The following IL1RAPL1 variants were observed in gnomAD, a reference collection of about 807,000 sequenced individuals.
IL1RAPL1 encodes the protein interleukin-1 receptor accessory protein-like 1.
IL1RAPL1 carries 3 observed loss-of-function variants against 48.4 expected under a neutral mutation model. The ratio of observed to expected loss-of-function variants is 0.06; its 90% CI spans 0.03 to 0.16. The LOEUF is 0.16. Ranked by LOEUF, IL1RAPL1 falls within the 10% of genes least tolerant of loss-of-function variation. The pLI is 1.00. For synonymous variants in IL1RAPL1, 185 were observed against 187.7 expected, an observed-to-expected ratio of 0.99 and a Z score of 0.12; for missense variants, 349 against 530.6, an observed-to-expected ratio of 0.66 and a Z score of 3.36.
chrX:28,721,353 A>G (rs1200868876), intron 1 of IL1RAPL1, among the ~76,000 whole-genome samples: 1 of 112,004 alleles, frequency 8.9e-6, no homozygotes, highest in Non-Finnish European at 1.9e-5. Context: ...AGTGACGATG[A>G]GTATTTTTTC....
At chrX:29,712,188 C>G (rs541799505) in intron 6 of IL1RAPL1, among the ~76,000 whole-genome samples, 1 of 108,132 alleles carries the variant, frequency 9.2e-6, no homozygotes, top group African/African-American at 3.4e-5. Flanking sequence ...CATGTATTAT[C>G]CAAAACTTGC....
chrX:29,948,318 G>A (rs1788204619), intron 9 of IL1RAPL1, among the ~76,000 whole-genome samples: 1 of 111,228 alleles, frequency 9.0e-6, no homozygotes, highest in Non-Finnish European at 1.9e-5. Flanking sequence ...CACAACATGT[G>A]AATTAGAACA....
At chrX:29,814,057 T>A (rs905110985) in intron 6 of IL1RAPL1, among the ~76,000 whole-genome samples, 2 of 111,898 alleles carry the variant, frequency 1.8e-5, no homozygotes, top group African/African-American at 6.5e-5. Context: ...AACATACAAG[T>A]GCAGGAGTCT....
intron 2 of IL1RAPL1, among the ~76,000 whole-genome samples, chrX:28,879,878 T>C (rs942700581): frequency 8.9e-6 from 1 of 111,901 alleles, no homozygotes; most frequent in Non-Finnish European, 1.9e-5. Flanking sequence ...AGAGATTGAA[T>C]GAGAGACAGG....
intron 8 of IL1RAPL1, among the ~76,000 whole-genome samples, chrX:29,923,836 C>A (rs183139535): frequency 3.7e-4 from 41 of 111,863 alleles, no homozygotes; most frequent in African/African-American, 1.3e-3. Flanking sequence ...TGTGCTCTGA[C>A]CTCAGGCCTA....
intron 6 of IL1RAPL1, among the ~76,000 whole-genome samples, chrX:29,911,020 TA>T (rs1932752665): frequency 9.0e-6 from 1 of 111,547 alleles, no homozygotes; most frequent in Non-Finnish European, 1.9e-5. Context: ...CACTCCTAGG[TA>T]TGTACCCAAG....
At chrX:28,952,900 CA>C (rs1924509104) in intron 2 of IL1RAPL1, among the ~76,000 whole-genome samples, 2 of 111,274 alleles carry the variant, frequency 1.8e-5, no homozygotes, top group African/African-American at 6.5e-5. Flanking sequence ...CAGGATAAAA[CA>C]AGGGTCATGA....
intron 6 of IL1RAPL1, among the ~76,000 whole-genome samples, chrX:29,900,122 GT>G (rs1932468606): frequency 9.0e-6 from 1 of 111,510 alleles, no homozygotes; most frequent in Admixed American, 9.6e-5. Context: ...AAAACAAGCA[GT>G]TAACACTGAG....
At chrX:28,889,042 T>A (rs754617585) in intron 2 of IL1RAPL1, among the ~76,000 whole-genome samples, 86 of 111,438 alleles carry the variant, frequency 7.7e-4, no homozygotes, top group African/African-American at 2.6e-3. Flanking sequence ...AAAAGTAAGT[T>A]ATTTCTGTTA....
chrX:29,348,119 A>G (rs950976247), intron 3 of IL1RAPL1, among the ~76,000 whole-genome samples: 5 of 112,698 alleles, frequency 4.4e-5, no homozygotes, highest in Non-Finnish European at 5.6e-5. Context: ...GGGGACTACT[A>G]TACTTATAAT....
chrX:29,538,844 T>A (rs1397963393), intron 5 of IL1RAPL1, among the ~76,000 whole-genome samples: 1 of 111,400 alleles, frequency 9.0e-6, no homozygotes, highest in Non-Finnish European at 1.9e-5. Flanking sequence ...TTTGGCAAGA[T>A]ATAGGTCACT....
chrX:28,941,811 A>C (rs1924169292), intron 2 of IL1RAPL1, among the ~76,000 whole-genome samples: 1 of 110,346 alleles, frequency 9.1e-6, no homozygotes, highest in Non-Finnish European at 1.9e-5. Flanking sequence ...ACTTGTTTTA[A>C]GGGGAATACC....
At chrX:29,857,025 T>G (rs1439601507) in intron 6 of IL1RAPL1, among the ~76,000 whole-genome samples, 3 of 111,440 alleles carry the variant, frequency 2.7e-5, no homozygotes, top group African/African-American at 9.8e-5. Context: ...TGGCATAGTT[T>G]CATAGAAACA....
intron 1 of IL1RAPL1, among the ~76,000 whole-genome samples, chrX:28,750,700 C>G (rs1406940502): frequency 9.0e-6 from 1 of 111,724 alleles, no homozygotes; most frequent in Non-Finnish European, 1.9e-5. Flanking sequence ...AGGACCCACA[C>G]AACTGTTTCT....
At chrX:29,042,025 T>C (rs1926857344) in intron 2 of IL1RAPL1, among the ~76,000 whole-genome samples, 1 of 111,594 alleles carries the variant, frequency 9.0e-6, no homozygotes, top group African/African-American at 3.3e-5. Context: ...GAAACCTAAT[T>C]TGTAGTGTCT....
chrX:29,690,928 T>G (rs1926754113), intron 6 of IL1RAPL1, among the ~76,000 whole-genome samples: 2 of 111,916 alleles, frequency 1.8e-5, no homozygotes, highest in African/African-American at 6.5e-5. Flanking sequence ...GTACTATATA[T>G]ACATGTTATT....
intron 2 of IL1RAPL1, among the ~76,000 whole-genome samples, chrX:29,049,587 T>TG (rs1311318834): frequency 4.5e-5 from 5 of 111,518 alleles, no homozygotes; most frequent in African/African-American, 1.6e-4. Flanking sequence ...ATCTTACCCA[T>TG]GGGACATTTT....
At chrX:29,552,364 T>C (rs1921844952) in intron 5 of IL1RAPL1, among the ~76,000 whole-genome samples, 1 of 111,264 alleles carries the variant, frequency 9.0e-6, no homozygotes, top group Non-Finnish European at 1.9e-5. Context: ...CCTACAGTTT[T>C]AACTTATTTT....
At chrX:29,488,149 A>C (rs1237003914) in intron 5 of IL1RAPL1, among the ~76,000 whole-genome samples, 1 of 112,408 alleles carries the variant, frequency 8.9e-6, no homozygotes, top group African/African-American at 3.2e-5. Flanking sequence ...CATAGAAACA[A>C]CAGAAGCTGG....
Sources: allele counts gnomAD v4.1 joint callset (sites outside exome capture counted in the v4.1 genomes callset), GRCh38; gene constraint gnomAD v4.1.1; transcripts MANE v1.5; gene names NCBI Gene and HGNC (gene_info 2026-07-23, HGNC 2026-07-21).